RGS7: variants seen among roughly 807,000 people sequenced by gnomAD.
The protein encoded by RGS7 is regulator of G-protein signaling 7.
Under a neutral mutation model 81.1 loss-of-function variants are expected in RGS7, and 27 were observed. The ratio of observed to expected loss-of-function variants is 0.33; its 90% confidence interval spans 0.25 to 0.46. The LOEUF (loss-of-function observed/expected upper bound fraction) is 0.46, where lower values mean the gene tolerates loss of function less well. Among genes scored for constraint, RGS7 ranks in the 20% least tolerant of loss-of-function variants. The pLI, the probability that RGS7 is intolerant of heterozygous loss-of-function variation, is 1.00. For synonymous variants in RGS7, 208 were observed against 207.7 expected (o/e 1.00, Z -0.01); for missense variants, 396 against 607.4 (o/e 0.65, Z 3.66).
intron 3 of RGS7, among the ~76,000 whole-genome samples, chr1:241,055,249 C>T (rs1012624190): frequency 9.2e-5 from 14 of 152,162 alleles, no homozygotes; most frequent in Non-Finnish European, 1.6e-4. Flanking sequence ...CACAGGTTAA[C>T]GGCTCAGCCC....
At chr1:241,064,122 G>A (rs912171733) in intron 3 of RGS7, among the ~76,000 whole-genome samples, 1 of 148,686 alleles carries the variant, frequency 6.7e-6, no homozygotes, top group African/African-American at 2.5e-5. Context: ...GGTGGAGGTT[G>A]TGGTGAGCCA....
chr1:240,976,926 T>C (rs1684185045), intron 4 of RGS7, among the ~76,000 whole-genome samples: 1 of 152,142 alleles, frequency 6.6e-6, no homozygotes, highest in Non-Finnish European at 1.5e-5. Flanking sequence ...CTATCATCCA[T>C]CTATCATCTA....
At chr1:241,343,365 T>A (rs976075558) in intron 2 of RGS7, among the ~76,000 whole-genome samples, 2 of 152,190 alleles carry the variant, frequency 1.3e-5, no homozygotes, top group Non-Finnish European at 2.9e-5. Context: ...CACAGATATT[T>A]GTATATCCAT....
At chr1:240,959,221 C>T (rs1214280641) in intron 4 of RGS7, among the ~76,000 whole-genome samples, 2 of 152,222 alleles carry the variant, frequency 1.3e-5, no homozygotes, top group African/African-American at 4.8e-5. Context: ...TTAAGCTGTG[C>T]AGCTAACAGT....
chr1:240,922,241 A>G (rs891010536), intron 6 of RGS7, among the ~76,000 whole-genome samples: 1 of 152,060 alleles, frequency 6.6e-6, no homozygotes, highest in Non-Finnish European at 1.5e-5. Flanking sequence ...AAATTATACA[A>G]CTAAAAATAA....
intron 2 of RGS7, among the ~76,000 whole-genome samples, chr1:241,349,451 C>A (rs2083102555): frequency 6.6e-6 from 1 of 152,164 alleles, no homozygotes; most frequent in African/African-American, 2.4e-5. Context: ...GGCCACTCAG[C>A]CAAAATATTT....
At chr1:240,779,295 T>C (rs551200265) in intron 18 of RGS7, among the ~76,000 whole-genome samples, 35 of 152,186 alleles carry the variant, frequency 2.3e-4, no homozygotes, top group African/African-American at 8.2e-4. Flanking sequence ...TAGCTGGGAT[T>C]ACAGGCATGC....
chr1:240,800,797 T>A, intron 17 of RGS7, 76 bp from the exon 18 acceptor site: 2 of 759,392 alleles, frequency 2.6e-6, no homozygotes, highest in Admixed American at 2.9e-5. Flanking sequence ...ACTGGCACAA[T>A]ACAAAAAAAA....
chr1:241,225,119 C>T (rs144696995), intron 2 of RGS7, among the ~76,000 whole-genome samples: 184 of 152,162 alleles, frequency 1.2e-3, no homozygotes, highest in Non-Finnish European at 1.9e-3. Context: ...ACATTGTATC[C>T]GTTAAGTAAT....
At chr1:241,186,470 C>T (rs1442953764) in intron 2 of RGS7, 1 of 912,270 alleles carries the variant, frequency 1.1e-6, no homozygotes. Flanking sequence ...TGCTATGGCT[C>T]TTCTTCAAAC....
intron 3 of RGS7, among the ~76,000 whole-genome samples, chr1:241,002,750 A>C (rs2058466130): frequency 6.6e-6 from 1 of 152,170 alleles, no homozygotes; most frequent in African/African-American, 2.4e-5. Context: ...TGACAAAGAG[A>C]CCAGAAAACC....
At chr1:241,128,520 G>A (rs1350146905) in intron 2 of RGS7, among the ~76,000 whole-genome samples, 1 of 151,856 alleles carries the variant, frequency 6.6e-6, no homozygotes, top group Non-Finnish European at 1.5e-5. Context: ...CCGGGGCGGA[G>A]GTTACAGTGA....
intron 2 of RGS7, among the ~76,000 whole-genome samples, chr1:241,322,615 G>A (rs2081277531): frequency 6.6e-6 from 1 of 152,176 alleles, no homozygotes; most frequent in Non-Finnish European, 1.5e-5. Context: ...TGCATGTGTT[G>A]TCTCTCATGT....
intron 18 of RGS7, among the ~76,000 whole-genome samples, chr1:240,781,938 C>T (rs550893217): frequency 1.3e-5 from 2 of 151,914 alleles, no homozygotes; most frequent in African/African-American, 4.8e-5. Context: ...TCACCTGAAC[C>T]TGGGAGGAGG....
At chr1:241,059,562 AC>A (rs1177834928) in intron 3 of RGS7, among the ~76,000 whole-genome samples, 8 of 152,116 alleles carry the variant, frequency 5.3e-5, no homozygotes, top group Admixed American at 1.3e-4. Context: ...GCAATTTTAG[AC>A]ATAATTTTTC....
intron 2 of RGS7, among the ~76,000 whole-genome samples, chr1:241,355,115 G>A (rs937623688): frequency 5.3e-5 from 8 of 152,042 alleles, no homozygotes; most frequent in Admixed American, 2.0e-4. Flanking sequence ...TGATTTAATA[G>A]GCATACGGCA....
At chr1:241,257,840 A>G (rs1402819499) in intron 2 of RGS7, among the ~76,000 whole-genome samples, 1 of 152,206 alleles carries the variant, frequency 6.6e-6, no homozygotes, top group Admixed American at 6.5e-5. Flanking sequence ...TAGAATTAGA[A>G]TTCACTTTTC....
rs561984844 is a variant in RGS7, at chr1:241,006,926, A to C, written c.176-23797T>G. 1.0e-3 allele frequency among the ~76,000 whole-genome samples: 154 copies of C among 152,040 alleles called. 1 individual carries two copies. Among genetic ancestry groups the C allele is most frequent in the Non-Finnish European group, 1.5e-3 (103 of 67,952 alleles). ...CTTTCTCTTTCTTCTTCTTCTTCTT[A>C]TTATTTTTGAGATGGAGTCTTGCTC... On this transcript the variant is annotated intron_variant, in intron 3 of 18. Transcript: ENST00000440928.
In RGS7 at chr1:241,120,116, G is replaced by GC. The variant is rs574770397; in HGVS notation, c.79-21355dup. Among the ~76,000 whole-genome samples, 38 of 152,226 alleles carry GC rather than the reference G, an allele frequency of 2.5e-4. No homozygotes were observed. The East Asian group carries it at 7.0e-3, about 28-fold the overall frequency. ...AGTACTTGGCATATTATGAGGCCCTGCCCATCCTCAATGCAATCCCCATCC... is the reference window on the plus strand; with the variant it reads ...AGTACTTGGCATATTATGAGGCCCTGCCCCATCCTCAATGCAATCCCCATCC... On this transcript the variant is annotated intron_variant, in intron 2 of 18. Transcript: ENST00000440928.
Sources: allele counts gnomAD v4.1 joint callset (sites outside exome capture counted in the v4.1 genomes callset), GRCh38; gene constraint gnomAD v4.1.1; transcripts MANE v1.5; gene names NCBI Gene and HGNC (gene_info 2026-07-23, HGNC 2026-07-21).